Variants in CELF2 observed in about 807,000 individuals in gnomAD.
CELF2 encodes CUGBP Elav-like family member 2.
A neutral mutation model predicts 62.6 loss-of-function variants in CELF2; 8 were observed. The ratio of observed to expected loss-of-function variants is 0.13; its 90% CI spans 0.07 to 0.23. The LOEUF is 0.23. Among genes scored for constraint, CELF2 ranks in the 10% least tolerant of loss-of-function variants. The pLI is 1.00. For missense variants in CELF2, 333 were observed against 671.0 expected, an observed-to-expected ratio of 0.50 and a Z score of 5.56; for synonymous variants, 258 against 250.0, an observed-to-expected ratio of 1.03 and a Z score of -0.30.
chr10:10,708,181 A>G, the CELF2 span, among the ~76,000 whole-genome samples: 1 of 152,200 alleles, frequency 6.6e-6, no homozygotes, highest in Admixed American at 6.5e-5. Flanking sequence ...AGTGTTACCC[A>G]TTGCACAGTA....
the CELF2 span, among the ~76,000 whole-genome samples, chr10:10,647,445 C>A: frequency 6.6e-6 from 1 of 152,216 alleles, no homozygotes; most frequent in Admixed American, 6.5e-5. Context: ...ATGCAAACAT[C>A]AATGCGGATA....
intron 1 of CELF2, chr10:10,919,891 G>A: frequency 1.0e-6 from 1 of 986,074 alleles, no homozygotes. Flanking sequence ...TACTTATTAT[G>A]TGATTAAATA....
intron 2 of CELF2, among the ~76,000 whole-genome samples, chr10:10,978,484 A>C (rs1467390404): frequency 6.6e-6 from 1 of 152,210 alleles, no homozygotes; most frequent in African/African-American, 2.4e-5. Context: ...TAGCCCATGT[A>C]GTACTTAGGT....
chr10:10,628,052 G>A, the CELF2 span, among the ~76,000 whole-genome samples: 61 of 152,138 alleles, frequency 4.0e-4, no homozygotes, highest in African/African-American at 1.3e-3. Flanking sequence ...ACAGGTGCCC[G>A]CCACCACGCC....
chr10:11,058,805 G>A (rs2065995179), intron 1 of CELF2, among the ~76,000 whole-genome samples: 2 of 151,778 alleles, frequency 1.3e-5, no homozygotes, highest in African/African-American at 4.8e-5. Flanking sequence ...TTTAGAGTTA[G>A]TATGTCACTT....
chr10:10,637,773 G>A, the CELF2 span, among the ~76,000 whole-genome samples: 121 of 152,234 alleles, frequency 7.9e-4, no homozygotes, highest in African/African-American at 2.9e-3. Flanking sequence ...AAGTTAACAT[G>A]AATCAAGCAT....
intron 8 of CELF2, among the ~76,000 whole-genome samples, chr10:11,279,427 G>A (rs1048813455): frequency 3.9e-5 from 6 of 152,152 alleles, no homozygotes; most frequent in African/African-American, 1.4e-4. Flanking sequence ...ACAGTGTATC[G>A]GAGGTCTGAG....
intron 1 of CELF2, among the ~76,000 whole-genome samples, chr10:10,868,150 G>A (rs772683989): frequency 1.3e-4 from 20 of 152,148 alleles, no homozygotes; most frequent in East Asian, 1.9e-4. Flanking sequence ...AATTAGTGGC[G>A]GTGAAATGAC....
chr10:10,697,531 A>G, the CELF2 span, among the ~76,000 whole-genome samples: 199 of 152,306 alleles, frequency 1.3e-3, 2 homozygotes, highest in East Asian at 0.032. Context: ...TAAGCAATCA[A>G]GAAATTGACT....
chr10:10,498,364 G>A, the CELF2 span, among the ~76,000 whole-genome samples: 8 of 152,360 alleles, frequency 5.3e-5, no homozygotes, highest in East Asian at 1.4e-3. Flanking sequence ...GAAGGAAGTA[G>A]GTGATCGGGC....
intron 1 of CELF2, among the ~76,000 whole-genome samples, chr10:11,089,264 G>A (rs1343147255): frequency 6.6e-6 from 1 of 152,208 alleles, no homozygotes; most frequent in Non-Finnish European, 1.5e-5. Flanking sequence ...CACAGTGGAG[G>A]TTGGCAGCCG....
the CELF2 span, among the ~76,000 whole-genome samples, chr10:10,558,595 GTTTCAGAAGGA>G: frequency 2.0e-5 from 3 of 151,932 alleles, no homozygotes; most frequent in Admixed American, 6.6e-5. Flanking sequence ...GATTGGAATA[GTTTCAGAAGGA>G]ATGGTACCAG....
intron 1 of CELF2, among the ~76,000 whole-genome samples, chr10:10,915,889 A>G (rs2064280071): frequency 6.6e-6 from 1 of 152,256 alleles, no homozygotes; most frequent in African/African-American, 2.4e-5. Context: ...CCTGGGCTGA[A>G]CGTAGATTAA....
chr10:10,782,800 T>A, the CELF2 span, among the ~76,000 whole-genome samples: 1 of 152,200 alleles, frequency 6.6e-6, no homozygotes, highest in African/African-American at 2.4e-5. Flanking sequence ...TAGTCTGCGG[T>A]TTCTCAGCCA....
chr10:11,307,229 G>A (rs575556537), intron 9 of CELF2, among the ~76,000 whole-genome samples: 88 of 152,350 alleles, frequency 5.8e-4, no homozygotes, highest in African/African-American at 1.6e-3. Context: ...GCGCTCTGAC[G>A]GGCACTACTC....
intron 1 of CELF2, chr10:10,846,090 G>A: frequency 2.0e-6 from 2 of 985,106 alleles, no homozygotes; most frequent in Non-Finnish European, 2.4e-6. Context: ...AGATCCTTCT[G>A]CGCTCCCAGA....
rs998300330 is a variant in CELF2, at chr10:11,075,706, A to G, written c.74+57543A>G. 2.6e-5 allele frequency among the ~76,000 whole-genome samples: 4 copies of G among 152,074 alleles called. No homozygotes were observed. The highest frequency in any genetic ancestry group is 4.8e-5 in the African/African-American group (2 of 41,400). ...TGCAGCCAAGCAGGTGACATTGAGAATGAAATGGGGGTGAGCAGCCATCAG... is the reference window on the plus strand; with the variant it reads ...TGCAGCCAAGCAGGTGACATTGAGAGTGAAATGGGGGTGAGCAGCCATCAG... On this transcript the variant is annotated intron_variant, in intron 1 of 12. Coordinates refer to ENST00000633077, the MANE Select transcript of CELF2 (RefSeq NM_001326342.2). The surrounding 1 kb of genome is among the most constrained non-coding windows in gnomAD (Gnocchi z 5.4).
chr10:11,271,318 TTC>T (rs2138643924), intron 7 of CELF2, among the ~76,000 whole-genome samples: 1 of 152,380 alleles, frequency 6.6e-6, no homozygotes, highest in South Asian at 2.1e-4. Context: ...GCAGACCCAG[TTC>T]TCTCAGCCAT....
chr10:10,788,482 A>C, the CELF2 span, among the ~76,000 whole-genome samples: 147 of 26,420 alleles, frequency 5.6e-3, no homozygotes, highest in African/African-American at 0.019. Flanking sequence ...TTTTTTTTTG[A>C]GATGGAGTCT....
Sources: allele counts gnomAD v4.1 joint callset (sites outside exome capture counted in the v4.1 genomes callset), GRCh38; gene constraint gnomAD v4.1.1; non-coding constraint Gnocchi (gnomAD v3.1); transcripts MANE v1.5; gene names NCBI Gene and HGNC (gene_info 2026-07-23, HGNC 2026-07-21).